The following TEX36 variants were observed in gnomAD, a reference collection of about 807,000 sequenced individuals.
The protein encoded by TEX36 is testis-expressed protein 36.
TEX36 carries 12 observed loss-of-function variants against 13.6 expected under a neutral mutation model. That is an observed-to-expected ratio of 0.88 (90% confidence interval 0.56 to 1.43). TEX36 has a LOEUF of 1.43. TEX36 is among the 40% of genes most tolerant of loss of function. The pLI, the probability that TEX36 is intolerant of heterozygous loss-of-function variation, is 0.00. For synonymous variants in TEX36, 93 were observed against 83.0 expected (o/e 1.12, Z -0.65); for missense variants, 224 against 228.3 (o/e 0.98, Z 0.12).
At chr10:125,666,884 A>C in intron 1 of TEX36, 1 of 391,188 alleles carries the variant, frequency 2.6e-6, no homozygotes, top group Non-Finnish European at 4.8e-6. Context: ...CTTAGTAGGT[A>C]TGGTTAGAGA....
chr10:125,603,150 G>A (rs1217720647), intron 3 of TEX36, among the ~76,000 whole-genome samples: 2 of 152,316 alleles, frequency 1.3e-5, no homozygotes, highest in East Asian at 3.9e-4. Flanking sequence ...CAGCCTTCCT[G>A]TCCTAAGAGT....
At chr10:125,619,435 A>G (rs1182340496), downstream of TEX36, among the ~76,000 whole-genome samples, 3 of 152,010 alleles carry the variant, frequency 2.0e-5, no homozygotes, top group Non-Finnish European at 4.4e-5. Context: ...CCCTCTCCTC[A>G]TAGTAGAGGT....
chr10:125,587,168 C>G (rs995386621), intron 3 of TEX36, among the ~76,000 whole-genome samples: 4 of 152,014 alleles, frequency 2.6e-5, no homozygotes, highest in Non-Finnish European at 2.9e-5. Flanking sequence ...ATAAATTACC[C>G]AATTTCAGGT....
intron 3 of TEX36, among the ~76,000 whole-genome samples, chr10:125,607,853 C>CT (rs1454450505): frequency 7.9e-5 from 12 of 152,142 alleles, no homozygotes; most frequent in Non-Finnish European, 1.6e-4. Context: ...AACTATAACC[C>CT]TGTCTCGAGT....
chr10:125,596,043 T>C (rs182700444), intron 3 of TEX36, among the ~76,000 whole-genome samples: 2 of 152,188 alleles, frequency 1.3e-5, no homozygotes, highest in Non-Finnish European at 2.9e-5. Context: ...CAGAAATTAT[T>C]TCAAAATACT....
chr10:125,584,357 T>C (rs1339915064), intron 3 of TEX36, among the ~76,000 whole-genome samples: 3 of 152,174 alleles, frequency 2.0e-5, no homozygotes, highest in Non-Finnish European at 4.4e-5. Context: ...TACAAATGGG[T>C]TTTTAATAAA....
intron 1 of TEX36, among the ~76,000 whole-genome samples, chr10:125,679,572 A>T (rs549806499): frequency 2.6e-5 from 4 of 152,284 alleles, no homozygotes; most frequent in African/African-American, 9.6e-5. Flanking sequence ...TACAGTGGGC[A>T]TGTGGGCTGC....
At chr10:125,619,468 C>T (rs939124030), downstream of TEX36, among the ~76,000 whole-genome samples, 1 of 152,090 alleles carries the variant, frequency 6.6e-6, no homozygotes, top group African/African-American at 2.4e-5. Flanking sequence ...GCCGTCTGCT[C>T]CTTGAGAACA....
intron 3 of TEX36, among the ~76,000 whole-genome samples, chr10:125,643,476 G>A (rs1468890511): frequency 6.6e-6 from 1 of 152,134 alleles, no homozygotes; most frequent in Non-Finnish European, 1.5e-5. Context: ...GGGCACGATG[G>A]CTCATGCCTG....
intron 3 of TEX36, among the ~76,000 whole-genome samples, chr10:125,605,894 G>A (rs1313214979): frequency 2.0e-5 from 3 of 152,110 alleles, no homozygotes; most frequent in Admixed American, 6.6e-5. Context: ...GAGCCACCAC[G>A]CCCAGCCAGA....
chr10:125,595,007 A>G (rs1301050947), intron 3 of TEX36, among the ~76,000 whole-genome samples: 3 of 152,220 alleles, frequency 2.0e-5, no homozygotes, highest in Non-Finnish European at 4.4e-5. Context: ...ATAAAGGGGT[A>G]ATATAACTAT....
intron 3 of TEX36, among the ~76,000 whole-genome samples, chr10:125,603,147 C>T (rs751086190): frequency 2.0e-5 from 3 of 152,218 alleles, no homozygotes; most frequent in Non-Finnish European, 4.4e-5. Context: ...AACCAGCCTT[C>T]CTGTCCTAAG....
At chr10:125,598,052 G>T (rs964020638) in intron 3 of TEX36, among the ~76,000 whole-genome samples, 1 of 152,134 alleles carries the variant, frequency 6.6e-6, no homozygotes, top group Non-Finnish European at 1.5e-5. Context: ...TTATCTCCAT[G>T]CCAGGGTTAA....
intron 3 of TEX36, among the ~76,000 whole-genome samples, chr10:125,634,660 A>G (rs1247798201): frequency 6.6e-6 from 1 of 152,190 alleles, no homozygotes; most frequent in Non-Finnish European, 1.5e-5. Context: ...GTAGAAGAAA[A>G]TGATAGTTGC....
At chr10:125,667,714 G>T in intron 1 of TEX36, 1 of 751,868 alleles carries the variant, frequency 1.3e-6, no homozygotes, top group South Asian at 1.5e-5. Flanking sequence ...TCTGGTGGAA[G>T]AGGATGACGT....
chr10:125,601,967 G>T (rs529655320), intron 3 of TEX36, among the ~76,000 whole-genome samples: 2 of 152,306 alleles, frequency 1.3e-5, no homozygotes, highest in East Asian at 1.9e-4. Context: ...CTCTGCCAAA[G>T]ATGCACATCC....
intron 3 of TEX36, among the ~76,000 whole-genome samples, chr10:125,622,225 A>G (rs186113100): frequency 1.3e-5 from 2 of 152,370 alleles, no homozygotes; most frequent in Non-Finnish European, 2.9e-5. Flanking sequence ...TCGTACAACA[A>G]GAAGCACACT....
At chr10:125,592,359 G>A (rs754872464) in intron 3 of TEX36, among the ~76,000 whole-genome samples, 9 of 152,032 alleles carry the variant, frequency 5.9e-5, no homozygotes, top group Non-Finnish European at 7.4e-5. Context: ...TCTGACCTCC[G>A]TGTAACGACT....
At chr10:125,627,876 G>A (rs1372975624) in intron 3 of TEX36, among the ~76,000 whole-genome samples, 1 of 152,154 alleles carries the variant, frequency 6.6e-6, no homozygotes, top group African/African-American at 2.4e-5. Flanking sequence ...GATTTGAGAA[G>A]GTGCCAGGCG....
Sources: allele counts gnomAD v4.1 joint callset (sites outside exome capture counted in the v4.1 genomes callset), GRCh38; gene constraint gnomAD v4.1.1; transcripts MANE v1.5; gene names NCBI Gene and HGNC (gene_info 2026-07-23, HGNC 2026-07-21).